The following IRX4 variants were observed in gnomAD, a reference collection of about 807,000 sequenced individuals.
IRX4 encodes iroquois homeobox 4.
IRX4 carries 22 observed loss-of-function variants against 32.0 expected under a neutral mutation model. That is an observed-to-expected ratio of 0.69 (90% CI 0.49 to 0.98). IRX4 has a LOEUF of 0.98. IRX4 is among the 50% of genes least tolerant of loss of function. IRX4 has a pLI of 0.00. For missense variants in IRX4, 840 were observed against 744.2 expected (o/e 1.13, Z -1.50); for synonymous variants, 379 against 351.7 (o/e 1.08, Z -0.87).
intron 3 of IRX4, chr5:1,880,181 C>A: frequency 6.7e-7 from 1 of 1,486,468 alleles, no homozygotes; most frequent in Middle Eastern, 1.7e-4. Flanking sequence ...TAAGCCCACA[C>A]CCTGAGATGT....
At chr5:1,886,505 C>T (rs1215567444), upstream of IRX4, among the ~76,000 whole-genome samples, 1 of 152,226 alleles carries the variant, frequency 6.6e-6, no homozygotes, top group Non-Finnish European at 1.5e-5. Context: ...CCCCGAGGCC[C>T]CCTCGGAGCC....
rs1579249407 is a variant in IRX4 at position 1,878,775 on chromosome 5, C to A, written c.754G>T (p.Glu252Ter). 1 of 1,613,174 alleles carries A rather than the reference C, an allele frequency of 6.2e-7. No individual in the cohort carries two copies. ...SKNAEPVGKE[E>*]KELELSDLDD... ...AAGTCACTAAGCTCCAGCTCCTTCT[C>A]CTCTTTGCCCACGGGCTCTGCGGGA... The change falls in exon 5 of 5, where the codon GAG (glutamate) becomes TAG (stop). Residue 252 changes from glutamate (E) to a stop codon, truncating the protein, a stop_gained. Coordinates refer to ENST00000231357, the MANE Select transcript of IRX4 (RefSeq NM_016358.3). LOFTEE classifies it low-confidence loss of function (END_TRUNC).
In IRX4 at chr5:1,878,595, C is replaced by T. The variant is rs1735301563; in HGVS notation, c.934G>A (p.Gly312Ser). The change falls in exon 5 of 5, where the codon GGC becomes AGC. Residue 312 changes from glycine to serine, a missense_variant. Around this residue, in one of 3 missense-constraint regions of IRX4, gnomAD observed 585 missense variants for 488.0 expected, o/e 1.20. Coordinates refer to ENST00000231357, the MANE Select transcript of IRX4 (RefSeq NM_016358.3). ...GALRMSLAAG[G>S]GAALDEDLER... ...AGGTCCTCGTCCAGAGCAGCTCCGC[C>T]ACCCGCGGCCAGAGACATCCGGAGC... 1 of 1,555,096 alleles carries T rather than the reference C, an allele frequency of 6.4e-7. No individual in the cohort carries two copies. The highest frequency in any genetic ancestry group is 1.4e-5 in the African/African-American group (1 of 73,326).
In IRX4 at chr5:1,878,580, C is replaced by A; in HGVS notation, c.949G>T (p.Asp317Tyr). 1 of 1,549,812 alleles carries A rather than the reference C, an allele frequency of 6.5e-7. No individual in the cohort carries two copies. Among genetic ancestry groups the A allele is most frequent in the Non-Finnish European group, 8.7e-7 (1 of 1,148,014 alleles). Residue 317 changes from aspartate (D) to tyrosine (Y), a missense_variant, in exon 5 of 5, where the codon GAC becomes TAC. Physicochemically the swap from Asp to Tyr is radical, Grantham distance 160. This residue lies in a region of IRX4 where 585 missense variants were observed against 488.0 expected (regional missense o/e 1.20). Coordinates refer to ENST00000231357, the MANE Select transcript of IRX4 (RefSeq NM_016358.3). ...CTCCGGGCCCTCTCCAGGTCCTCGTCCAGAGCAGCTCCGCCACCCGCGGCC... is the reference window on the plus strand; with the variant it reads ...CTCCGGGCCCTCTCCAGGTCCTCGTACAGAGCAGCTCCGCCACCCGCGGCC... ...SLAAGGGAAL[D>Y]EDLERARSCL...
chr5:1,878,245 C>G lies in IRX4; in HGVS notation c.1284G>C (p.Gln428His). Residue 428 changes from glutamine (Q) to histidine (H), a missense_variant, in exon 5 of 5, where the codon CAG becomes CAC. Transcript: ENST00000231357. ...LPHSGALDRH[Q>H]DSPVTSLRNW... ...TTCTGAGACTGGTTACCGGGGAGTC[C>G]TGGTGCCTGTCCAGGGCGCCAGAGT... 1.2e-6 allele frequency: 2 copies of G among 1,604,712 alleles called. No homozygotes were observed. Among genetic ancestry groups the G allele is most frequent in the Non-Finnish European group, 1.7e-6 (2 of 1,176,622 alleles).
At position 1,878,809 on chromosome 5, in the gene IRX4, G is replaced by A. The variant is rs368854663; in HGVS notation, c.737-17C>T. ...CCACGGGCTCTGCGGGAGAGAATGC[G>A]TGGCCAGTGGAGGGAGAGGGTTGGT... is the stretch of plus-strand genomic sequence containing the variant. On this transcript the variant is annotated splice_polypyrimidine_tract_variant and intron_variant, in intron 4 of 4. Transcript: ENST00000231357. 7 of 1,612,048 alleles carry A rather than the reference G, an allele frequency of 4.3e-6. No homozygotes were observed. Among genetic ancestry groups the A allele is most frequent in the African/African-American group, 4.0e-5 (3 of 75,044 alleles).
rs755843833 is a variant in IRX4, at chr5:1,878,198, TGG to T, written c.1329_1330del (p.Phe443LeufsTer106). 2 of 1,597,526 alleles carry T rather than the reference TGG, an allele frequency of 1.3e-6. No individual in the cohort carries two copies. The highest frequency in any genetic ancestry group is 2.3e-5 in the South Asian group (2 of 88,298). ...AGTGCTGTGCCTGAGGATGGGGTCGTGGAAGACCCCGTCCACCCAGTTTCTGA... is the reference window on the plus strand; with the variant it reads ...AGTGCTGTGCCTGAGGATGGGGTCGTAAGACCCCGTCCACCCAGTTTCTGA... On this transcript the variant is annotated frameshift_variant, in exon 5 of 5. Transcript: ENST00000231357. LOFTEE classifies it high-confidence loss of function.
intron 3 of IRX4, 44 bp from the exon 4 acceptor site, chr5:1,879,876 C>A (rs989684349): frequency 2.5e-6 from 4 of 1,607,970 alleles, no homozygotes; most frequent in South Asian, 1.1e-5. Flanking sequence ...GCCCTCTGGG[C>A]CCCAGGCATC....
intron 4 of IRX4, 86 bp downstream of exon 4, chr5:1,879,418 G>GACCCC: frequency 6.3e-7 from 1 of 1,584,986 alleles, no homozygotes; most frequent in Non-Finnish European, 8.6e-7. Flanking sequence ...CGGCGTTTGG[G>GACCCC]ACCCCCAAGA....
upstream of IRX4, chr5:1,886,815 G>C (rs897979599): frequency 8.5e-5 from 13 of 152,060 alleles, no homozygotes; most frequent in African/African-American, 2.4e-5. Flanking sequence ...CCCCTTAAGC[G>C]CAAGAGCAAT....
rs1735488116 is a variant in IRX4, at chr5:1,882,523, G to A, written c.45+80C>T. 1.8e-5 allele frequency: 23 copies of A among 1,266,802 alleles called. No individual in the cohort carries two copies. The East Asian group carries it at 6.4e-4, about 35-fold the overall frequency. 78.5% of individuals were successfully genotyped at this position (1,266,802 alleles called of 1,614,324 possible). A position where few individuals can be genotyped will look rare whatever the true frequency, so the allele number is the denominator to read the frequency against. On this transcript the variant is annotated intron_variant, in intron 1 of 4. Transcript: ENST00000231357. ...GGAAGCCGCAGGCAGTCGTAGGTCG[G>A]ACACTCCCCACCCCCCGTCCCCGCC...
At chr5:1,882,455 G>A (rs1384967265) in intron 1 of IRX4, 148 bp downstream of exon 1, 4 of 692,468 alleles carry the variant, frequency 5.8e-6, no homozygotes, top group African/African-American at 1.9e-5. Context: ...TTGGGGAGCA[G>A]GGGTTGGGCG....
chr5:1,880,387 C>T (rs1042928198), intron 3 of IRX4, among the ~76,000 whole-genome samples: 17 of 152,188 alleles, frequency 1.1e-4, no homozygotes, highest in African/African-American at 2.9e-4. Context: ...TGTGGACACT[C>T]GGAAGGAGGT....
upstream of IRX4, among the ~76,000 whole-genome samples, chr5:1,885,716 C>T (rs1197062823): frequency 6.6e-6 from 1 of 152,186 alleles, no homozygotes; most frequent in Non-Finnish European, 1.5e-5. Flanking sequence ...GGCCCGCCTG[C>T]CCAAACCGGG....
upstream of IRX4, chr5:1,884,199 C>T (rs1405154657): frequency 6.6e-6 from 1 of 152,296 alleles, no homozygotes; most frequent in Non-Finnish European, 1.5e-5. Flanking sequence ...GTTGCCCTCG[C>T]CCCCTGGGCC....
At position 1,878,103 on chromosome 5, in the gene IRX4, C is replaced by A. The variant is rs757910355; in HGVS notation, c.1426G>T (p.Ala476Ser). ...GGTGCAGTCAGCACGTTCGCGCCCG[C>A]CCCCAGCGAGCGTCCCAGAGGCCCG... ...DPGPLGRSLG[A>S]GANVLTAPLA... The change falls in exon 5 of 5, where the codon GCG (alanine) becomes TCG (serine). Residue 476 changes from alanine (A) to serine (S), a missense_variant. Coordinates refer to ENST00000231357, the MANE Select transcript of IRX4 (RefSeq NM_016358.3). 1.7e-5 allele frequency: 26 copies of A among 1,537,026 alleles called. 1 individual carries two copies. The Middle Eastern group carries it at 5.0e-4, about 30-fold the overall frequency.
chr5:1,884,979 C>G (rs776267325), upstream of IRX4, among the ~76,000 whole-genome samples: 1 of 149,214 alleles, frequency 6.7e-6, no homozygotes, highest in Non-Finnish European at 1.5e-5. Context: ...TGAGCCCAGC[C>G]GGGCCAAGGG....
intron 1 of IRX4, 141 bp from the exon 2 acceptor site, chr5:1,882,200 C>G: frequency 9.7e-7 from 1 of 1,031,256 alleles, no homozygotes; most frequent in Non-Finnish European, 1.4e-6. Context: ...GATGCTCGCC[C>G]CTTTCCACTA....
chr5:1,879,280 C>G (rs1347983229), intron 4 of IRX4, among the ~76,000 whole-genome samples: 1 of 152,208 alleles, frequency 6.6e-6, no homozygotes, highest in Non-Finnish European at 1.5e-5. Context: ...CGTGAGCCAC[C>G]GCGCCCGGCC....
Sources: gnomAD v4.1 joint callset for allele counts (sites outside exome capture counted in the v4.1 genomes callset) on GRCh38, gnomAD v4.1.1 for gene constraint, gnomAD v4.1.1 regional missense constraint, MANE v1.5 for transcripts, NCBI Gene and HGNC (gene_info 2026-07-23, HGNC 2026-07-21) for gene names.